The following LMAN2 variants were observed in gnomAD, a reference collection of about 807,000 sequenced individuals.
The protein encoded by LMAN2 is lectin, mannose binding 2, also known as vesicular integral-membrane protein VIP36.
LMAN2 carries 22 observed loss-of-function variants against 39.3 expected under a neutral mutation model. The ratio of observed to expected loss-of-function variants is 0.56; its 90% CI spans 0.40 to 0.80. The LOEUF is 0.80. Among genes scored for constraint, LMAN2 ranks in the 30% least tolerant of loss-of-function variants. LMAN2 has a pLI of 0.00. For synonymous variants in LMAN2, 207 were observed against 207.8 expected (o/e 1.00, Z 0.03); for missense variants, 494 against 505.4 (o/e 0.98, Z 0.22).
Position 177,331,936 on chromosome 5 carries a change from G to T in LMAN2, c.*150C>A. 1 of 976,794 alleles carries T rather than the reference G, an allele frequency of 1.0e-6. No homozygotes were observed. The highest frequency in any genetic ancestry group is 1.5e-6 in the Non-Finnish European group (1 of 689,582). The allele number at this position is 976,794 out of a possible 1,614,324, so 60.5% of individuals were successfully genotyped here. ...TCGGCTCTGCCACCTGTCCCTGCTG[G>T]GCAAGAAGCAAAATGTATGAAAATA... On this transcript the variant is annotated 3_prime_UTR_variant, in exon 8 of 8. Coordinates refer to ENST00000303127, the MANE Select transcript of LMAN2 (RefSeq NM_006816.3).
In LMAN2 at chr5:177,332,142, C is replaced by A. The variant is rs368637534; in HGVS notation, c.1015G>T (p.Val339Leu). Residue 339 changes from valine (V) to leucine (L), a missense_variant, in exon 8 of 8, where the codon GTG (valine) becomes TTG (leucine). Transcript: ENST00000303127. The surrounding 1 kb of genome is among the most constrained non-coding windows in gnomAD (Gnocchi z 6.3). ...CALLGIVVCA[V>L]VGAVVFQKRQ... Reference sequence around the variant, plus strand: ...TTCTGGAACACCACGGCCCCCACCACGGCGCAGACAACGATGCCCAGGAGA... The same window carrying A: ...TTCTGGAACACCACGGCCCCCACCAAGGCGCAGACAACGATGCCCAGGAGA... 1 of 1,613,698 alleles carries A rather than the reference C, an allele frequency of 6.2e-7. No homozygotes were observed. Among genetic ancestry groups the A allele is most frequent in the South Asian group, 1.1e-5 (1 of 91,082 alleles).
chr5:177,332,115 G>C lies in LMAN2; in HGVS notation c.1042C>G (p.Arg348Gly). The C allele has an allele frequency of 6.2e-7, 1 of 1,613,378 alleles. No individual in the cohort carries two copies. ...AVVGAVVFQK[R>G]QERNKRFY ...TAGAAGCGCTTGTTCCGCTCCTGCC[G>C]CTTCTGGAACACCACGGCCCCCACC... Residue 348 changes from arginine to glycine, a missense_variant, in exon 8 of 8, where the codon CGG becomes GGG. Coordinates refer to ENST00000303127, the MANE Select transcript of LMAN2 (RefSeq NM_006816.3). This position sits in a 1 kb window ranked among gnomAD's most constrained non-coding sequence, Gnocchi z 6.3.
chr5:177,340,033 T>C (rs1268506904), intron 2 of LMAN2, among the ~76,000 whole-genome samples: 2 of 152,078 alleles, frequency 1.3e-5, no homozygotes, highest in Non-Finnish European at 1.5e-5. Flanking sequence ...ACTCATATAA[T>C]TGGGATTCCC....
chr5:177,335,283 T>C (rs1187582283), intron 6 of LMAN2, among the ~76,000 whole-genome samples: 1 of 152,238 alleles, frequency 6.6e-6, no homozygotes, highest in East Asian at 1.9e-4. Flanking sequence ...AGTTCCCATC[T>C]GGGCTCTGCT....
chr5:177,349,115 A>G (rs968799713), intron 2 of LMAN2, among the ~76,000 whole-genome samples: 1 of 152,108 alleles, frequency 6.6e-6, no homozygotes, highest in Admixed American at 6.6e-5. Context: ...AAGACCCCCA[A>G]AAGGACAGGG....
intron 2 of LMAN2, among the ~76,000 whole-genome samples, chr5:177,349,393 T>C (rs1761689009): frequency 6.6e-6 from 1 of 152,228 alleles, no homozygotes; most frequent in Admixed American, 6.5e-5. Context: ...TGGGAAACAC[T>C]GAACAGAAAA....
In LMAN2 at chr5:177,337,750, A is replaced by G. The variant is rs780993962; in HGVS notation, c.469T>C (p.Leu157=). ...GGGTAGGTGTCCAGGAAGATGGCTA[A>G]GCCGTGGAAGTTATCTTTGCTTCCA... ...VFGSKDNFHG[L]AIFLDTYPND... Residue 157 remains leucine (L), a synonymous_variant, in exon 4 of 8, where the codon TTA becomes CTA. Coordinates refer to ENST00000303127, the MANE Select transcript of LMAN2 (RefSeq NM_006816.3). The surrounding 1 kb of genome is among the most constrained non-coding windows in gnomAD (Gnocchi z 8.2). 6.2e-7 allele frequency: 1 copy of G among 1,614,008 alleles called. No homozygotes were observed. The highest frequency in any genetic ancestry group is 1.1e-5 in the South Asian group (1 of 91,064).
At chr5:177,334,536 C>T in intron 6 of LMAN2, 133 bp from the exon 7 acceptor site, 1 of 1,187,712 alleles carries the variant, frequency 8.4e-7, no homozygotes, top group Middle Eastern at 2.6e-4. Flanking sequence ...CACTGCCCAG[C>T]CGGCTAGGGC....
At chr5:177,345,339 TAAAA>T (rs10639580) in intron 2 of LMAN2, among the ~76,000 whole-genome samples, 59 of 52,414 alleles carry the variant, frequency 1.1e-3, no homozygotes, top group East Asian at 6.2e-3. Flanking sequence ...AGACCCTGTC[TAAAA>T]AAAAAAAAAA....
intron 1 of LMAN2, 60 bp downstream of exon 1, chr5:177,351,391 TC>T: frequency 1.2e-6 from 2 of 1,603,266 alleles, no homozygotes; most frequent in African/African-American, 1.3e-5. Flanking sequence ...GGGCACGCCT[TC>T]CCCTAGCCCT....
rs372056669 is a variant in LMAN2 at position 177,351,179 on chromosome 5, G to A, written c.309C>T (p.Asn103=). Residue 103 remains asparagine, a synonymous_variant, in exon 2 of 8, where the codon AAC becomes AAT. Transcript: ENST00000303127. Reference sequence around the variant, plus strand: ...CCTCTTGAGAACCACTCACCTGGTGGTTCCAGATAGAGCCCTCTTTGCTGC... The same window carrying A: ...CCTCTTGAGAACCACTCACCTGGTGATTCCAGATAGAGCCCTCTTTGCTGC... ...DERSKEGSIW[N]HQPCFLKDWE... is the part of the protein sequence containing the mutation. The A allele has an allele frequency of 5.6e-6, 9 of 1,614,022 alleles. No homozygotes were observed. The highest frequency in any genetic ancestry group is 4.5e-5 in the East Asian group (2 of 44,892).
intron 6 of LMAN2, among the ~76,000 whole-genome samples, chr5:177,335,150 G>A (rs1055682136): frequency 6.6e-6 from 1 of 152,196 alleles, no homozygotes; most frequent in African/African-American, 2.4e-5. Context: ...AATCTCTGGA[G>A]CCAAGGGGGG....
At chr5:177,339,650 A>G (rs1761523993) in intron 2 of LMAN2, among the ~76,000 whole-genome samples, 1 of 152,256 alleles carries the variant, frequency 6.6e-6, no homozygotes, top group South Asian at 2.1e-4. Flanking sequence ...TTGACCTGTC[A>G]GACTGGCAAC....
chr5:177,335,733 GTC>G (rs1275449387), intron 6 of LMAN2, among the ~76,000 whole-genome samples: 3 of 152,224 alleles, frequency 2.0e-5, no homozygotes, highest in Non-Finnish European at 4.4e-5. Flanking sequence ...ATGTTCTGGG[GTC>G]TGAGCGGACC....
At position 177,337,137 on chromosome 5, in the gene LMAN2, A is replaced by G. The variant is rs1379555004; in HGVS notation, c.789T>C (p.Ser263=). The change falls in exon 6 of 8, where the codon TCT becomes TCC. Residue 263 remains serine (S), a splice_region_variant and synonymous_variant. Coordinates refer to ENST00000303127, the MANE Select transcript of LMAN2 (RefSeq NM_006816.3). The surrounding 1 kb of genome is among the most constrained non-coding windows in gnomAD (Gnocchi z 8.2). The part of the protein sequence containing the change: ...FGASAGTGDL[S]DNHDIISMKL... The stretch of plus-strand genomic sequence containing the variant: ...CAACGCCTGGCCCGGCCCACTCACC[A>G]GACAGGTCGCCGGTGCCGGCGGAGG... 1.9e-6 allele frequency: 3 copies of G among 1,611,718 alleles called. No individual in the cohort carries two copies. Among genetic ancestry groups the G allele is most frequent in the East Asian group, 4.5e-5 (2 of 44,876 alleles).
At chr5:177,351,398 GC>G (rs1761721713) in intron 1 of LMAN2, 53 bp downstream of exon 1, 1 of 1,605,618 alleles carries the variant, frequency 6.2e-7, no homozygotes, top group South Asian at 1.1e-5. Flanking sequence ...CCTTCCCCTA[GC>G]CCTGTTCAGC....
Position 177,337,143 on chromosome 5 carries a change from G to C in LMAN2, c.783C>G (p.Asp261Glu). The part of the protein sequence containing the change: ...YYFGASAGTG[D>E]LSDNHDIISM... ...CTGGCCCGGCCCACTCACCAGACAG[G>C]TCGCCGGTGCCGGCGGAGGCCCCGA... is the stretch of plus-strand genomic sequence containing the variant. Residue 261 changes from aspartate to glutamate, a missense_variant, in exon 6 of 8, where the codon GAC (aspartate) becomes GAG (glutamate). By Grantham distance (45) the Asp-to-Glu change is conservative. Coordinates refer to ENST00000303127, the MANE Select transcript of LMAN2 (RefSeq NM_006816.3). The surrounding 1 kb of genome is among the most constrained non-coding windows in gnomAD (Gnocchi z 8.2). 1 of 1,612,524 alleles carries C rather than the reference G, an allele frequency of 6.2e-7. No homozygotes were observed. Among genetic ancestry groups the C allele is most frequent in the Non-Finnish European group, 8.5e-7 (1 of 1,179,412 alleles).
In LMAN2 at chr5:177,332,323, TG is replaced by T. The variant is rs1183842046; in HGVS notation, c.911-78del. The T allele has an allele frequency of 1.3e-5, 18 of 1,407,878 alleles. No homozygotes were observed. In the East Asian group the frequency reaches 4.0e-4, roughly 31 times the overall value. 87.2% of individuals were successfully genotyped at this position (1,407,878 alleles called of 1,614,324 possible). On this transcript the variant is annotated intron_variant, in intron 7 of 7. Transcript: ENST00000303127. This position sits in a 1 kb window ranked among gnomAD's most constrained non-coding sequence, Gnocchi z 6.3. Reference sequence around the variant, plus strand: ...GGGGGCTGCAGGAGGGCAGTGGGGATGGAACAGGACAGCCGGCCACGGTGGG... The same window carrying T: ...GGGGGCTGCAGGAGGGCAGTGGGGATGAACAGGACAGCCGGCCACGGTGGG...
At position 177,337,241 on chromosome 5, in the gene LMAN2, C is replaced by G; in HGVS notation, c.685G>C (p.Asp229His). ...TTCCACTCGTTCTTGTCCTCCAGGT[C>G]GGTCATCACCTGCAGGGCCCAGCAC... The part of the protein sequence containing the change: ...YSRGRLTVMT[D>H]LEDKNEWKNC... Residue 229 changes from aspartate (D) to histidine (H), a missense_variant, in exon 6 of 8, where the codon GAC (aspartate) becomes CAC (histidine). Asp to His is a moderately conservative substitution (Grantham distance 81). Coordinates refer to ENST00000303127, the MANE Select transcript of LMAN2 (RefSeq NM_006816.3). This position sits in a 1 kb window ranked among gnomAD's most constrained non-coding sequence, Gnocchi z 8.2. 5 of 1,613,912 alleles carry G rather than the reference C, an allele frequency of 3.1e-6. No homozygotes were observed. The highest frequency in any genetic ancestry group is 3.4e-6 in the Non-Finnish European group (4 of 1,179,898).
Sources: gnomAD v4.1 joint callset for allele counts (sites outside exome capture counted in the v4.1 genomes callset) on GRCh38, gnomAD v4.1.1 for gene constraint, Gnocchi (gnomAD v3.1) non-coding constraint, MANE v1.5 for transcripts, NCBI Gene and HGNC (gene_info 2026-07-23, HGNC 2026-07-21) for gene names.